Variants in MGAT4C observed in about 807,000 individuals in gnomAD.
MGAT4C encodes the protein MGAT4 family member C.
MGAT4C carries 19 observed loss-of-function variants against 40.1 expected under a neutral mutation model. The ratio of observed to expected loss-of-function variants is 0.47; its 90% CI spans 0.33 to 0.70. The LOEUF (loss-of-function observed/expected upper bound fraction) is 0.70. Ranked by LOEUF, MGAT4C falls within the 30% of genes least tolerant of loss-of-function variation. The pLI is 0.02. For missense variants in MGAT4C, 491 were observed against 563.2 expected (o/e 0.87, Z 1.30); for synonymous variants, 181 against 187.1 (o/e 0.97, Z 0.27).
chr12:86,482,208 T>A (rs899337260), intron 2 of MGAT4C, among the ~76,000 whole-genome samples: 129 of 151,996 alleles, frequency 8.5e-4, no homozygotes, highest in African/African-American at 2.8e-3. Flanking sequence ...TTTCCACTTC[T>A]ACAAACAAAC....
rs1555227767 is a variant in MGAT4C at position 86,774,315 on chromosome 12, C to CTTTCTTTCT, written c.-261-47083_-261-47075dup. 2.0e-4 allele frequency among the ~76,000 whole-genome samples: 12 copies of CTTTCTTTCT among 59,394 alleles called. 1 individual carries two copies. The highest frequency in any genetic ancestry group is 5.9e-4 in the African/African-American group (11 of 18,668). 39.0% of individuals were successfully genotyped at this position (59,394 alleles called of 152,430 possible). On this transcript the variant is annotated intron_variant, in intron 1 of 7. Coordinates refer to the MGAT4C transcript ENST00000548651. ...TCTTTCTTTCTTTCTTTCTTTCTTTCTTTCTTTCTTTCTTTCTTTCTTTCT... is the reference window on the plus strand; with the variant it reads ...TCTTTCTTTCTTTCTTTCTTTCTTTCTTTCTTTCTTTTCTTTCTTTCTTTCTTTCTTTCT...
At chr12:86,638,032 T>C (rs575352913) in intron 2 of MGAT4C, among the ~76,000 whole-genome samples, 2 of 152,048 alleles carry the variant, frequency 1.3e-5, no homozygotes, top group South Asian at 4.1e-4. Flanking sequence ...TTCCTCCTTG[T>C]TAAATTGTTT....
At chr12:86,639,696 T>A (rs1444998139) in intron 2 of MGAT4C, among the ~76,000 whole-genome samples, 1 of 151,766 alleles carries the variant, frequency 6.6e-6, no homozygotes, top group African/African-American at 2.4e-5. Flanking sequence ...ATGTATCTTA[T>A]GTGTCAGATA....
At chr12:86,117,404 A>G (rs886666241) in intron 1 of MGAT4C, among the ~76,000 whole-genome samples, 4 of 152,178 alleles carry the variant, frequency 2.6e-5, no homozygotes, top group Non-Finnish European at 5.9e-5. Context: ...TTCTTATGCC[A>G]TAAGGACATC....
Position 86,492,350 on chromosome 12 carries a change from G to A in MGAT4C, c.-228-57085C>T, listed in dbSNP as rs185783361. 6.4e-3 allele frequency among the ~76,000 whole-genome samples: 969 copies of A among 152,176 alleles called. 6 individuals carry two copies. Among genetic ancestry groups the A allele is most frequent in the Non-Finnish European group, 0.011 (749 of 68,016 alleles). On this transcript the variant is annotated intron_variant, in intron 2 of 7. Transcript: ENST00000548651. ...GCCCGCATTGCCAAGTCAATCCTAA[G>A]CCAAAAGAACAAAGCTGGAGGCATC...
At chr12:86,339,475 C>G (rs1346810575) in intron 3 of MGAT4C, among the ~76,000 whole-genome samples, 1 of 152,126 alleles carries the variant, frequency 6.6e-6, no homozygotes, top group Non-Finnish European at 1.5e-5. Context: ...CTTAAAAGGT[C>G]TACTTCAAAT....
chr12:86,809,355 C>G, intron 1 of MGAT4C, among the ~76,000 whole-genome samples: 1 of 152,000 alleles, frequency 6.6e-6, no homozygotes, highest in East Asian at 1.9e-4. Context: ...ATGATAAAAA[C>G]TACCATGAAT....
intron 2 of MGAT4C, among the ~76,000 whole-genome samples, chr12:86,566,700 TTATA>T: frequency 6.8e-6 from 1 of 146,056 alleles, no homozygotes; most frequent in East Asian, 2.0e-4. Flanking sequence ...ATTATATGTA[TTATA>T]TATGTATTAT....
At chr12:86,660,858 C>T (rs529030072) in intron 2 of MGAT4C, among the ~76,000 whole-genome samples, 1 of 152,234 alleles carries the variant, frequency 6.6e-6, no homozygotes, top group East Asian at 1.9e-4. Context: ...ATGCCTTATC[C>T]ATATGTAGAC....
At chr12:86,417,853 T>C (rs2136251990) in intron 3 of MGAT4C, among the ~76,000 whole-genome samples, 1 of 151,960 alleles carries the variant, frequency 6.6e-6, no homozygotes, top group East Asian at 1.9e-4. Flanking sequence ...TTACATAGAC[T>C]ATCTAATTTA....
At chr12:86,588,435 C>A (rs1211135322) in intron 2 of MGAT4C, among the ~76,000 whole-genome samples, 1 of 151,986 alleles carries the variant, frequency 6.6e-6, no homozygotes, top group African/African-American at 2.4e-5. Flanking sequence ...GAGACTTAGA[C>A]TAACACACAT....
intron 3 of MGAT4C, among the ~76,000 whole-genome samples, chr12:86,388,382 C>T (rs576891600): frequency 6.7e-6 from 1 of 149,904 alleles, no homozygotes; most frequent in African/African-American, 2.5e-5. Context: ...TTATTTTGTA[C>T]AATTTTTTTA....
chr12:86,677,182 G>A (rs764756909), intron 2 of MGAT4C, among the ~76,000 whole-genome samples: 1 of 152,008 alleles, frequency 6.6e-6, no homozygotes, highest in Non-Finnish European at 1.5e-5. Flanking sequence ...GAGAAACCAC[G>A]TGGGAAATCA....
intron 1 of MGAT4C, among the ~76,000 whole-genome samples, chr12:86,769,557 T>C (rs368577400): frequency 3.3e-5 from 5 of 152,084 alleles, no homozygotes; most frequent in South Asian, 2.1e-4. Flanking sequence ...TATAAAGACA[T>C]ATGCACACGT....
chr12:86,314,197 A>C (rs1340288394), intron 4 of MGAT4C, among the ~76,000 whole-genome samples: 1 of 152,148 alleles, frequency 6.6e-6, no homozygotes, highest in African/African-American at 2.4e-5. Flanking sequence ...AATGTAATGA[A>C]GTTTGTAGGA....
chr12:86,374,885 A>G (rs1417982385), intron 3 of MGAT4C, among the ~76,000 whole-genome samples: 1 of 152,150 alleles, frequency 6.6e-6, no homozygotes, highest in Admixed American at 6.5e-5. Flanking sequence ...GTGTAGTAAC[A>G]TTTCTATTTC....
At chr12:86,470,050 A>C (rs1453132494) in intron 2 of MGAT4C, among the ~76,000 whole-genome samples, 1 of 151,976 alleles carries the variant, frequency 6.6e-6, no homozygotes, top group Non-Finnish European at 1.5e-5. Flanking sequence ...TATACACCAC[A>C]TTTTATTTAT....
intron 3 of MGAT4C, among the ~76,000 whole-genome samples, chr12:86,339,687 CCT>C (rs142633701): frequency 0.085 from 12,923 of 152,074 alleles, 758 homozygotes; most frequent in Middle Eastern, 0.22. Flanking sequence ...TTTATCTTAG[CCT>C]CTCTGATTAA....
intron 1 of MGAT4C, among the ~76,000 whole-genome samples, chr12:86,822,931 T>C (rs1390596454): frequency 6.6e-6 from 1 of 151,160 alleles, no homozygotes; most frequent in Non-Finnish European, 1.5e-5. Flanking sequence ...GTCTTAATAA[T>C]TCATTAAGAC....
Sources: allele counts gnomAD v4.1 joint callset (sites outside exome capture counted in the v4.1 genomes callset), GRCh38; gene constraint gnomAD v4.1.1; transcripts MANE v1.5; gene names NCBI Gene and HGNC (gene_info 2026-07-23, HGNC 2026-07-21).